Variants in HEATR5A observed in about 807,000 individuals in gnomAD.
HEATR5A encodes HEAT repeat containing 5A.
Under a neutral mutation model 218.8 loss-of-function variants are expected in HEATR5A, and 178 were observed. That is an observed-to-expected ratio of 0.81 (90% CI 0.72 to 0.92). The LOEUF is 0.92. Among genes scored for constraint, HEATR5A ranks in the 40% least tolerant of loss-of-function variants. HEATR5A has a pLI of 0.00. For synonymous variants in HEATR5A, 864 were observed against 871.6 expected, an observed-to-expected ratio of 0.99 and a Z score of 0.15; for missense variants, 2,420 against 2,418.9, an observed-to-expected ratio of 1.00 and a Z score of -0.01.
intron 1 of HEATR5A, among the ~76,000 whole-genome samples, chr14:31,408,933 TACAAAAAATTAGCC>T: frequency 2.6e-5 from 1 of 37,976 alleles, no homozygotes; most frequent in Non-Finnish European, 5.8e-5. Flanking sequence ...CTACTAAAAA[TACAAAAAATTAGCC>T]GGGAGGCTGA....
chr14:31,391,099 G>T (rs80017702), intron 6 of HEATR5A, among the ~76,000 whole-genome samples: 7 of 152,186 alleles, frequency 4.6e-5, no homozygotes, highest in East Asian at 1.9e-4. Flanking sequence ...ATAGAACAAG[G>T]ATACAAGGAT....
chr14:31,375,177 G>A (rs1173764525), intron 11 of HEATR5A, among the ~76,000 whole-genome samples: 2 of 152,256 alleles, frequency 1.3e-5, no homozygotes, highest in East Asian at 3.9e-4. Flanking sequence ...AAGAACTAAT[G>A]GTACAGGCTG....
intron 20 of HEATR5A, 150 bp from the exon 21 acceptor site, chr14:31,344,215 T>G: frequency 2.8e-6 from 1 of 361,820 alleles, no homozygotes; most frequent in Non-Finnish European, 5.0e-6. Flanking sequence ...GATGTACAAT[T>G]TCTTCTACAA....
At chr14:31,302,724 A>G (rs1439264216) in intron 32 of HEATR5A, 2 of 512,018 alleles carry the variant, frequency 3.9e-6, no homozygotes, top group East Asian at 6.4e-5. Flanking sequence ...ATAACTGGAG[A>G]TTACGTTTAA....
chr14:31,417,538 C>G (rs1209559370), intron 1 of HEATR5A, among the ~76,000 whole-genome samples: 1 of 150,676 alleles, frequency 6.6e-6, no homozygotes, highest in Non-Finnish European at 1.5e-5. Context: ...CAGCCCAGAT[C>G]GCGCCACTGC....
intron 14 of HEATR5A, among the ~76,000 whole-genome samples, chr14:31,361,228 T>G (rs1901605437): frequency 6.6e-6 from 1 of 152,206 alleles, no homozygotes; most frequent in South Asian, 2.1e-4. Flanking sequence ...AAAAATTTTA[T>G]TATATTTAAT....
At chr14:31,346,409 A>G (rs1270254352) in intron 19 of HEATR5A, among the ~76,000 whole-genome samples, 1 of 152,226 alleles carries the variant, frequency 6.6e-6, no homozygotes, top group Admixed American at 6.5e-5. Flanking sequence ...GGAGGCGAGT[A>G]GTAATATGGT....
intron 7 of HEATR5A, 32 bp from the exon 8 acceptor site, chr14:31,387,407 T>TA (rs1566778434): frequency 6.6e-7 from 1 of 1,516,718 alleles, no homozygotes; most frequent in Non-Finnish European, 9.0e-7. Flanking sequence ...TTTTCAATAT[T>TA]AAATTGTTTC....
intron 1 of HEATR5A, among the ~76,000 whole-genome samples, chr14:31,419,421 G>A (rs1223935461): frequency 6.6e-6 from 1 of 151,838 alleles, no homozygotes; most frequent in African/African-American, 2.4e-5. Flanking sequence ...TCCAACTAAT[G>A]CTCAATTCTA....
At chr14:31,331,113 G>A (rs1341212311) in intron 22 of HEATR5A, among the ~76,000 whole-genome samples, 1 of 151,586 alleles carries the variant, frequency 6.6e-6, no homozygotes, top group Non-Finnish European at 1.5e-5. Context: ...GCTAAGTTTT[G>A]TATTTTTAGT....
At chr14:31,294,189 G>A in intron 34 of HEATR5A, 85 bp from the exon 35 acceptor site, 1 of 859,238 alleles carries the variant, frequency 1.2e-6, no homozygotes, top group South Asian at 1.8e-5. Context: ...TTAAAGTAGT[G>A]AAGGTATTTA....
chr14:31,297,954 AG>A (rs2139123537), intron 33 of HEATR5A, among the ~76,000 whole-genome samples: 1 of 152,314 alleles, frequency 6.6e-6, no homozygotes, highest in African/African-American at 2.4e-5. Flanking sequence ...ACTGCAACAG[AG>A]TCAGCTAATT....
At chr14:31,395,932 C>T (rs1566781611) in intron 4 of HEATR5A, among the ~76,000 whole-genome samples, 1 of 152,208 alleles carries the variant, frequency 6.6e-6, no homozygotes, top group Non-Finnish European at 1.5e-5. Flanking sequence ...TGGGTTTGAA[C>T]TTCTCTGTGA....
chr14:31,323,910 A>G (rs1355259401), intron 23 of HEATR5A, 106 bp from the exon 24 acceptor site: 2 of 700,718 alleles, frequency 2.9e-6, no homozygotes, highest in East Asian at 2.8e-5. Context: ...GAATTGCTCA[A>G]CTATCAATTG....
chr14:31,384,605 C>A (rs936156006), intron 9 of HEATR5A, among the ~76,000 whole-genome samples: 5 of 151,192 alleles, frequency 3.3e-5, no homozygotes, highest in South Asian at 4.2e-4. Context: ...TGGTTCACTG[C>A]AACCTTCGCC....
intron 1 of HEATR5A, among the ~76,000 whole-genome samples, chr14:31,410,935 T>C (rs1367214350): frequency 2.6e-5 from 4 of 152,194 alleles, no homozygotes; most frequent in Admixed American, 6.5e-5. Flanking sequence ...TACAAATAAA[T>C]TGGCTATCAT....
In HEATR5A at chr14:31,305,046, GCTGT is replaced by G; in HGVS notation, c.5094_5097del (p.Arg1698SerfsTer5). The stretch of plus-strand genomic sequence containing the variant: ...GTCAATTTAGGGTTTAATTCTGGGA[GCTGT>G]CTAACTAGAATGCATACACACAATT... On this transcript the variant is annotated frameshift_variant, in exon 32 of 36. Coordinates refer to ENST00000543095, the MANE Select transcript of HEATR5A (RefSeq NM_015473.4). LOFTEE classifies it high-confidence loss of function. 1 of 1,613,962 alleles carries G rather than the reference GCTGT, an allele frequency of 6.2e-7. No individual in the cohort carries two copies.
intron 33 of HEATR5A, chr14:31,296,546 C>T (rs1899192310): frequency 6.6e-6 from 1 of 152,390 alleles, no homozygotes; most frequent in South Asian, 2.1e-4. Flanking sequence ...CAATTGTTTT[C>T]TCTTTGTTAA....
intron 24 of HEATR5A, among the ~76,000 whole-genome samples, chr14:31,322,901 C>T (rs933372523): frequency 6.7e-6 from 1 of 149,496 alleles, no homozygotes; most frequent in Non-Finnish European, 1.5e-5. Flanking sequence ...AGACATCAAA[C>T]CATAAAGGCA....
Sources: allele counts gnomAD v4.1 joint callset (sites outside exome capture counted in the v4.1 genomes callset), GRCh38; gene constraint gnomAD v4.1.1; transcripts MANE v1.5; gene names NCBI Gene and HGNC (gene_info 2026-07-23, HGNC 2026-07-21).